The following FMN1 variants were observed in gnomAD, a reference collection of about 807,000 sequenced individuals.
FMN1 encodes the protein formin 1, also known as formin-1.
A neutral mutation model predicts 132.4 loss-of-function variants in FMN1; 110 were observed. That is an observed-to-expected ratio of 0.83 (90% CI 0.71 to 0.97). The LOEUF (loss-of-function observed/expected upper bound fraction) is 0.97. FMN1 is among the 50% of genes least tolerant of loss of function. The pLI is 0.00. For missense variants in FMN1, 1,792 were observed against 1,705.3 expected, an observed-to-expected ratio of 1.05 and a Z score of -0.90; for synonymous variants, 722 against 651.7, an observed-to-expected ratio of 1.11 and a Z score of -1.64.
At chr15:32,959,373 C>G (rs913587611) in intron 9 of FMN1, among the ~76,000 whole-genome samples, 3 of 152,196 alleles carry the variant, frequency 2.0e-5, no homozygotes, top group African/African-American at 7.2e-5. Context: ...TGTTGGAAAT[C>G]TGGCCACAGG....
intron 12 of FMN1, among the ~76,000 whole-genome samples, chr15:32,906,878 G>T (rs1014695382): frequency 6.6e-6 from 1 of 152,104 alleles, no homozygotes; most frequent in African/African-American, 2.4e-5. Flanking sequence ...TACTTTGAGG[G>T]GGGATCCTGG....
At chr15:32,851,587 G>C (rs2141264740) in intron 17 of FMN1, among the ~76,000 whole-genome samples, 1 of 152,230 alleles carries the variant, frequency 6.6e-6, no homozygotes, top group African/African-American at 2.4e-5. Context: ...TAAGAAAAAA[G>C]GCATGGATAT....
At chr15:32,914,001 A>G (rs141971711) in intron 10 of FMN1, among the ~76,000 whole-genome samples, 48 of 152,278 alleles carry the variant, frequency 3.2e-4, no homozygotes, top group African/African-American at 1.1e-3. Flanking sequence ...CTTCTTCCCA[A>G]TTTGACCCTG....
At chr15:32,975,371 T>A (rs12904879) in intron 7 of FMN1, among the ~76,000 whole-genome samples, 2 of 152,222 alleles carry the variant, frequency 1.3e-5, no homozygotes, top group Admixed American at 1.3e-4. Context: ...ATTTCTTTAG[T>A]GTTAAATATT....
intron 16 of FMN1, among the ~76,000 whole-genome samples, chr15:32,881,610 T>C (rs2059772414): frequency 6.6e-6 from 1 of 152,334 alleles, no homozygotes; most frequent in East Asian, 1.9e-4. Context: ...GGGCCATGTT[T>C]TAATTAGTAA....
chr15:33,172,835 A>G (rs548535023), intron 3 of FMN1, among the ~76,000 whole-genome samples: 2 of 152,330 alleles, frequency 1.3e-5, no homozygotes, highest in Admixed American at 6.5e-5. Context: ...TAAAAATAGA[A>G]AAAAAGAAAA....
intron 7 of FMN1, among the ~76,000 whole-genome samples, chr15:32,994,165 T>C (rs1259100635): frequency 6.6e-6 from 1 of 151,932 alleles, no homozygotes. Context: ...AAGAGTTGAA[T>C]ATATCCGAGT....
intron 15 of FMN1, among the ~76,000 whole-genome samples, chr15:32,895,791 T>C (rs961753617): frequency 2.0e-4 from 31 of 152,142 alleles, no homozygotes; most frequent in Non-Finnish European, 3.4e-4. Flanking sequence ...GTTGTAAACA[T>C]TTTACCAGTA....
chr15:33,053,406 C>T (rs1317289315), intron 6 of FMN1, among the ~76,000 whole-genome samples: 3 of 152,196 alleles, frequency 2.0e-5, no homozygotes. Flanking sequence ...GAGCTGCCAG[C>T]CAAACCCTGC....
intron 9 of FMN1, among the ~76,000 whole-genome samples, chr15:32,953,438 G>A (rs1364479430): frequency 6.6e-6 from 1 of 152,164 alleles, no homozygotes; most frequent in African/African-American, 2.4e-5. Flanking sequence ...AATTTCCAAT[G>A]GTCTCAGGTT....
intron 6 of FMN1, among the ~76,000 whole-genome samples, chr15:33,056,515 C>T (rs551398011): frequency 1.2e-4 from 18 of 152,160 alleles, no homozygotes; most frequent in Non-Finnish European, 1.8e-4. Context: ...GAACAGTAGG[C>T]CCCCTTTGAT....
intron 9 of FMN1, among the ~76,000 whole-genome samples, chr15:32,934,013 A>G (rs1474853290): frequency 2.6e-5 from 4 of 152,030 alleles, no homozygotes; most frequent in Admixed American, 2.0e-4. Flanking sequence ...TATTATTGCT[A>G]ATTTGTTCAT....
intron 16 of FMN1, among the ~76,000 whole-genome samples, chr15:32,865,375 A>G (rs1276156338): frequency 6.6e-6 from 1 of 152,228 alleles, no homozygotes; most frequent in Non-Finnish European, 1.5e-5. Flanking sequence ...ACTTCTTTAT[A>G]TAAGGTAAAT....
chr15:33,127,397 CAAAGGA>C (rs1411879464), intron 4 of FMN1, among the ~76,000 whole-genome samples: 6 of 152,182 alleles, frequency 3.9e-5, no homozygotes, highest in African/African-American at 1.4e-4. Flanking sequence ...TTACCAGTCT[CAAAGGA>C]TGGACCAGAA....
At chr15:32,867,706 T>A (rs1277194003) in intron 16 of FMN1, among the ~76,000 whole-genome samples, 1 of 152,166 alleles carries the variant, frequency 6.6e-6, no homozygotes, top group Non-Finnish European at 1.5e-5. Context: ...TTAGCCGGGA[T>A]GGTCTCAATC....
intron 9 of FMN1, among the ~76,000 whole-genome samples, chr15:32,948,667 G>T (rs7162402): frequency 1.3e-5 from 2 of 151,670 alleles, no homozygotes; most frequent in African/African-American, 2.4e-5. Flanking sequence ...TTTGTTCATG[G>T]TATTGTATTA....
chr15:32,960,159 G>A (rs989265083), intron 9 of FMN1, among the ~76,000 whole-genome samples: 2 of 151,892 alleles, frequency 1.3e-5, no homozygotes, highest in African/African-American at 4.8e-5. Context: ...TTTTTTGCCC[G>A]GATTTGTCTG....
chr15:33,067,170 C>T (rs973327269), intron 5 of FMN1: 1 of 1,613,892 alleles, frequency 6.2e-7, no homozygotes. Flanking sequence ...TCTTGGGACC[C>T]TTCTTCTCCC....
chr15:33,002,995 C>G (rs1178483144), intron 7 of FMN1, among the ~76,000 whole-genome samples: 1 of 152,132 alleles, frequency 6.6e-6, no homozygotes, highest in Non-Finnish European at 1.5e-5. Context: ...GCAGAAAAGG[C>G]CTTTGACAAA....
Sources: gnomAD v4.1 joint callset for allele counts (sites outside exome capture counted in the v4.1 genomes callset) on GRCh38, gnomAD v4.1.1 for gene constraint, MANE v1.5 for transcripts, NCBI Gene and HGNC (gene_info 2026-07-23, HGNC 2026-07-21) for gene names.